GAP43: variants seen among roughly 807,000 people sequenced by gnomAD.
GAP43 encodes growth associated protein 43, also known as neuromodulin.
A neutral mutation model predicts 18.6 loss-of-function variants in GAP43; 6 were observed. The observed-to-expected ratio is 0.32, with a 90% confidence interval of 0.18 to 0.64. The LOEUF is 0.64. GAP43 is among the 30% of genes least tolerant of loss of function. GAP43 has a pLI of 0.78. For synonymous variants in GAP43, 115 were observed against 111.4 expected (o/e 1.03, Z -0.20); for missense variants, 292 against 295.5 (o/e 0.99, Z 0.09).
chr3:115,641,435 CAG>C (rs1444711968), intron 1 of GAP43, among the ~76,000 whole-genome samples: 1 of 150,918 alleles, frequency 6.6e-6, no homozygotes, highest in African/African-American at 2.4e-5. Context: ...TATATACACA[CAG>C]ACACTATATA....
chr3:115,633,118 T>G (rs1300518520), intron 1 of GAP43, among the ~76,000 whole-genome samples: 1 of 152,080 alleles, frequency 6.6e-6, no homozygotes, highest in Non-Finnish European at 1.5e-5. Flanking sequence ...CATAAACTCT[T>G]TCTGGGGCCC....
intron 2 of GAP43, among the ~76,000 whole-genome samples, chr3:115,692,924 CA>C (rs1192223082): frequency 6.6e-6 from 1 of 152,156 alleles, no homozygotes; most frequent in African/African-American, 2.4e-5. Context: ...ACCAAAAAAT[CA>C]AAATTGATTT....
At chr3:115,706,434 G>C (rs1182901194) in intron 2 of GAP43, among the ~76,000 whole-genome samples, 1 of 152,152 alleles carries the variant, frequency 6.6e-6, no homozygotes, top group African/African-American at 2.4e-5. Flanking sequence ...TACTCATTCA[G>C]TATGGTAAAC....
intron 2 of GAP43, among the ~76,000 whole-genome samples, chr3:115,714,824 T>C (rs568867236): frequency 6.6e-6 from 1 of 151,892 alleles, no homozygotes; most frequent in Non-Finnish European, 1.5e-5. Context: ...ATAGTAATAG[T>C]CTTAGGAAAT....
chr3:115,697,842 A>G (rs1408712892), intron 2 of GAP43, among the ~76,000 whole-genome samples: 1 of 150,886 alleles, frequency 6.6e-6, no homozygotes, highest in Non-Finnish European at 1.5e-5. Flanking sequence ...TAGTTAACTC[A>G]GCATTTAGCT....
intron 1 of GAP43, among the ~76,000 whole-genome samples, chr3:115,645,208 A>T (rs1708443552): frequency 6.6e-6 from 1 of 152,022 alleles, no homozygotes; most frequent in African/African-American, 2.4e-5. Flanking sequence ...TGAATCAGAT[A>T]TGTCTATTCC....
chr3:115,720,675 C>T, intron 2 of GAP43, 119 bp from the exon 3 acceptor site: 1 of 637,324 alleles, frequency 1.6e-6, no homozygotes, highest in Non-Finnish European at 2.8e-6. Flanking sequence ...CTCTTTTAAT[C>T]TTAATGCTCT....
intron 2 of GAP43, among the ~76,000 whole-genome samples, chr3:115,707,486 T>G (rs1042442489): frequency 2.0e-5 from 3 of 151,908 alleles, no homozygotes; most frequent in Admixed American, 6.6e-5. Context: ...AGGCTGAGTC[T>G]CCCTATGTTG....
At chr3:115,669,313 CACT>C (rs1480064425) in intron 1 of GAP43, among the ~76,000 whole-genome samples, 25 of 152,110 alleles carry the variant, frequency 1.6e-4, no homozygotes, top group Non-Finnish European at 2.6e-4. Flanking sequence ...TGAATTCCAC[CACT>C]GAGAAGTGAA....
intron 2 of GAP43, among the ~76,000 whole-genome samples, chr3:115,701,918 T>A (rs1420868764): frequency 6.6e-6 from 1 of 152,128 alleles, no homozygotes; most frequent in Non-Finnish European, 1.5e-5. Context: ...TTCCTATTTT[T>A]AAATCTTTTC....
At chr3:115,655,233 A>AT (rs1279216109) in intron 1 of GAP43, among the ~76,000 whole-genome samples, 3 of 152,174 alleles carry the variant, frequency 2.0e-5, no homozygotes, top group Admixed American at 6.5e-5. Context: ...TTCTAAACTC[A>AT]TTGCTGAAGG....
At chr3:115,699,056 A>G (rs1170755661) in intron 2 of GAP43, among the ~76,000 whole-genome samples, 1 of 152,106 alleles carries the variant, frequency 6.6e-6, no homozygotes, top group African/African-American at 2.4e-5. Context: ...CCTGCTTCTG[A>G]TCTTATGTGG....
At chr3:115,707,762 C>G (rs962032) in intron 2 of GAP43, among the ~76,000 whole-genome samples, 30,531 of 151,762 alleles carry the variant, frequency 0.2, 3,714 homozygotes, top group Admixed American at 0.31. Context: ...TTAAAGTTAG[C>G]AAAAAAATGG....
At chr3:115,657,199 G>T (rs75156466) in intron 1 of GAP43, among the ~76,000 whole-genome samples, 17,454 of 152,218 alleles carry the variant, frequency 0.11, 1,369 homozygotes, top group Non-Finnish European at 0.17. Context: ...GATAAAAAGA[G>T]AATAAAAGAG....
At chr3:115,683,066 A>G (rs989066948) in intron 2 of GAP43, among the ~76,000 whole-genome samples, 2 of 151,856 alleles carry the variant, frequency 1.3e-5, no homozygotes, top group Admixed American at 6.6e-5. Context: ...AATATAGACT[A>G]TTATTCAGAT....
chr3:115,697,984 C>CGTGTGT (rs62915860), intron 2 of GAP43, among the ~76,000 whole-genome samples: 5 of 110,900 alleles, frequency 4.5e-5, no homozygotes, highest in African/African-American at 1.8e-4. Flanking sequence ...AGTACATGTG[C>CGTGTGT]GTGTGTGTGT....
intron 2 of GAP43, among the ~76,000 whole-genome samples, chr3:115,710,288 A>G (rs1709417764): frequency 6.6e-6 from 1 of 151,930 alleles, no homozygotes; most frequent in Non-Finnish European, 1.5e-5. Context: ...ATCATAGGCT[A>G]TACCTTGACC....
intron 1 of GAP43, chr3:115,661,192 T>G (rs1708654175): frequency 6.6e-6 from 1 of 152,196 alleles, no homozygotes; most frequent in Admixed American, 6.5e-5. Context: ...CCCTTGCAGC[T>G]GGGAGTGCAG....
Position 115,678,108 on chromosome 3 carries a change from G to A in GAP43, c.628+1498G>A, listed in dbSNP as rs1178821392. On this transcript the variant is annotated intron_variant, in intron 2 of 2. Transcript: ENST00000305124. ...GGGAATTTTTCCCTGGAAAAGGTAA[G>A]GCATGTGATAAAAAGTGGGGTGTGG... 3.9e-5 allele frequency among the ~76,000 whole-genome samples: 6 copies of A among 152,166 alleles called. No individual in the cohort carries two copies. The East Asian group carries it at 1.2e-3, about 29-fold the overall frequency.
Sources: allele counts gnomAD v4.1 joint callset (sites outside exome capture counted in the v4.1 genomes callset), GRCh38; gene constraint gnomAD v4.1.1; transcripts MANE v1.5; gene names NCBI Gene and HGNC (gene_info 2026-07-23, HGNC 2026-07-21).